Variants in NPFFR2 observed in about 807,000 individuals in gnomAD.
NPFFR2 encodes the protein neuropeptide FF receptor 2, also known as G-protein coupled receptor 74.
NPFFR2 carries 15 observed loss-of-function variants against 13.1 expected under a neutral mutation model. The observed-to-expected ratio is 1.15, with a 90% confidence interval of 0.77 to 1.76. The LOEUF is 1.76. NPFFR2 is among the 40% of genes most tolerant of loss of function. The pLI is 0.00. For missense variants in NPFFR2, 572 were observed against 503.5 expected (o/e 1.14, Z -1.30); for synonymous variants, 190 against 175.7 (o/e 1.08, Z -0.65).
intron 1 of NPFFR2, among the ~76,000 whole-genome samples, chr4:72,060,542 C>A (rs4694456): frequency 0.89 from 135,673 of 152,136 alleles, 61,590 homozygotes; most frequent in Non-Finnish European, 0.98. Context: ...CAAAAGTGTT[C>A]AAGAATATAA....
At chr4:72,075,207 C>A (rs1159716471) in intron 1 of NPFFR2, among the ~76,000 whole-genome samples, 1 of 152,114 alleles carries the variant, frequency 6.6e-6, no homozygotes, top group Admixed American at 6.6e-5. Context: ...GCCTGGCCTA[C>A]ATCTTTCTAC....
chr4:72,059,559 G>A (rs1422321533), intron 1 of NPFFR2, among the ~76,000 whole-genome samples: 1 of 152,010 alleles, frequency 6.6e-6, no homozygotes. Flanking sequence ...TTTGATGATG[G>A]CACTAATCTC....
chr4:72,066,641 CA>C (rs1331093537), intron 1 of NPFFR2, among the ~76,000 whole-genome samples: 1 of 31,754 alleles, frequency 3.1e-5, no homozygotes, highest in Non-Finnish European at 4.2e-4. Flanking sequence ...GTTTCTGTTC[CA>C]AAAGGGAGAA....
chr4:72,136,881 A>T (rs141852594), intron 2 of NPFFR2, among the ~76,000 whole-genome samples: 2 of 152,222 alleles, frequency 1.3e-5, no homozygotes, highest in African/African-American at 4.8e-5. Flanking sequence ...TCTCAATCTC[A>T]CATTTAGTAG....
chr4:72,134,409 C>T (rs1210794453), intron 2 of NPFFR2, among the ~76,000 whole-genome samples: 1 of 152,236 alleles, frequency 6.6e-6, no homozygotes, highest in Non-Finnish European at 1.5e-5. Flanking sequence ...TTCAAACTCT[C>T]ATAGATGTAA....
intron 1 of NPFFR2, among the ~76,000 whole-genome samples, chr4:72,075,999 A>ACC (rs1720421129): frequency 5.6e-5 from 1 of 17,908 alleles, no homozygotes. Flanking sequence ...ACACACACAC[A>ACC]CACACACAGA....
In NPFFR2 at chr4:72,123,341, G is replaced by A. The variant is rs1056777568; in HGVS notation, c.-7-5244G>A. Among the ~76,000 whole-genome samples the A allele has an allele frequency of 2.0e-5, 3 of 152,280 alleles. No individual in the cohort carries two copies. The East Asian group carries it at 5.8e-4, about 29-fold the overall frequency. Reference sequence around the variant, plus strand: ...AGCCGAATTCTACCAGAGGTACAAAGAGGAGCTGGTACCGTTACTTCTGAA... The same window carrying A: ...AGCCGAATTCTACCAGAGGTACAAAAAGGAGCTGGTACCGTTACTTCTGAA... On this transcript the variant is annotated intron_variant, in intron 1 of 3. Coordinates refer to ENST00000308744, the MANE Select transcript of NPFFR2 (RefSeq NM_004885.3).
At chr4:72,134,755 A>G (rs1467274371) in intron 2 of NPFFR2, among the ~76,000 whole-genome samples, 1 of 152,084 alleles carries the variant, frequency 6.6e-6, no homozygotes, top group Non-Finnish European at 1.5e-5. Context: ...GTATCTATAA[A>G]TATACGTGCA....
At chr4:72,134,554 A>T (rs1255240361) in intron 2 of NPFFR2, among the ~76,000 whole-genome samples, 1 of 152,114 alleles carries the variant, frequency 6.6e-6, no homozygotes, top group Non-Finnish European at 1.5e-5. Flanking sequence ...CTTATTTTAC[A>T]TATATCTTAT....
At chr4:72,061,770 C>A (rs915255033) in intron 1 of NPFFR2, among the ~76,000 whole-genome samples, 2 of 151,958 alleles carry the variant, frequency 1.3e-5, no homozygotes, top group Non-Finnish European at 2.9e-5. Flanking sequence ...ACATCACACA[C>A]TGGGGCCTGT....
At chr4:72,141,193 T>TC (rs1353151200) in intron 3 of NPFFR2, among the ~76,000 whole-genome samples, 2 of 152,058 alleles carry the variant, frequency 1.3e-5, no homozygotes, top group Admixed American at 6.5e-5. Context: ...ATTTTGTTGA[T>TC]CTTTAAAAAA....
At chr4:72,115,739 A>G (rs1721695017) in intron 1 of NPFFR2, among the ~76,000 whole-genome samples, 1 of 152,142 alleles carries the variant, frequency 6.6e-6, no homozygotes, top group African/African-American at 2.4e-5. Context: ...CAACCTTAAC[A>G]GCCTTTTGTG....
intron 1 of NPFFR2, among the ~76,000 whole-genome samples, chr4:72,038,593 A>G (rs1236932978): frequency 6.6e-6 from 1 of 151,896 alleles, no homozygotes; most frequent in Admixed American, 6.6e-5. Flanking sequence ...TTCCTGTAAT[A>G]TGGAAAAAAA....
chr4:72,069,254 T>C (rs1332650428), intron 1 of NPFFR2, among the ~76,000 whole-genome samples: 1 of 152,114 alleles, frequency 6.6e-6, no homozygotes, highest in Non-Finnish European at 1.5e-5. Context: ...CACTGGATTA[T>C]GACCTATGAA....
At chr4:72,127,030 C>T (rs138326774) in intron 1 of NPFFR2, among the ~76,000 whole-genome samples, 4,082 of 151,910 alleles carry the variant, frequency 0.027, 177 homozygotes, top group African/African-American at 0.092. Context: ...AGGCCGGGTG[C>T]GGTGGCTCAC....
chr4:72,049,319 A>G (rs766024188), intron 1 of NPFFR2, among the ~76,000 whole-genome samples: 2 of 152,118 alleles, frequency 1.3e-5, no homozygotes, highest in African/African-American at 2.4e-5. Flanking sequence ...AAATCTACAA[A>G]GGAGCATCAA....
intron 1 of NPFFR2, among the ~76,000 whole-genome samples, chr4:72,056,557 C>T (rs1228393583): frequency 6.6e-6 from 1 of 151,972 alleles, no homozygotes; most frequent in African/African-American, 2.4e-5. Context: ...TTTGACTTTC[C>T]AGTCTTATTT....
At chr4:72,034,312 A>T (rs1718991575) in intron 1 of NPFFR2, among the ~76,000 whole-genome samples, 3 of 152,206 alleles carry the variant, frequency 2.0e-5, no homozygotes, top group Admixed American at 2.0e-4. Flanking sequence ...TGCAGGGCTG[A>T]GGAGGCCTCA....
chr4:72,033,965 CCT>C (rs749598243), intron 1 of NPFFR2, among the ~76,000 whole-genome samples: 11 of 151,948 alleles, frequency 7.2e-5, no homozygotes, highest in Non-Finnish European at 7.4e-5. Context: ...CATGCAAATG[CCT>C]CTGTGATAAA....
Sources: allele counts gnomAD v4.1 joint callset (sites outside exome capture counted in the v4.1 genomes callset), GRCh38; gene constraint gnomAD v4.1.1; transcripts MANE v1.5; gene names NCBI Gene and HGNC (gene_info 2026-07-23, HGNC 2026-07-21).